Variants in SLC9A9 observed in about 807,000 individuals in gnomAD.
SLC9A9 encodes sodium/hydrogen exchanger 9.
Under a neutral mutation model 77.8 loss-of-function variants are expected in SLC9A9, and 62 were observed. That is an observed-to-expected ratio of 0.80 (90% CI 0.65 to 0.98). The LOEUF (loss-of-function observed/expected upper bound fraction) is 0.98. SLC9A9 is among the 50% of genes least tolerant of loss of function. SLC9A9 has a pLI of 0.00. For missense variants in SLC9A9, 775 were observed against 774.9 expected, an observed-to-expected ratio of 1.00 and a Z score of 0.00; for synonymous variants, 320 against 283.5, an observed-to-expected ratio of 1.13 and a Z score of -1.29.
At chr3:143,828,955 G>A (rs766598338) in intron 2 of SLC9A9, among the ~76,000 whole-genome samples, 1 of 152,088 alleles carries the variant, frequency 6.6e-6, no homozygotes, top group Non-Finnish European at 1.5e-5. Context: ...CAAAACCCTT[G>A]ATACTCCCTA....
At chr3:143,339,764 T>C (rs1387630855) in intron 14 of SLC9A9, among the ~76,000 whole-genome samples, 1 of 152,198 alleles carries the variant, frequency 6.6e-6, no homozygotes, top group Non-Finnish European at 1.5e-5. Flanking sequence ...GTTCCAAAGC[T>C]GAGCTTGGTT....
chr3:143,336,837 C>T (rs182077804), intron 14 of SLC9A9, among the ~76,000 whole-genome samples: 4 of 152,198 alleles, frequency 2.6e-5, no homozygotes, highest in Non-Finnish European at 4.4e-5. Context: ...ATATAATTGA[C>T]ACTATTGAAC....
rs747297478 is a variant in SLC9A9, at chr3:143,266,921, T to C, written c.1719A>G (p.Leu573=). ...CAATGCATTCCACATCATCCTCTTT[T>C]AGCTGTTCCTGGTTGGGAAAAGAGA... ...LTSPQAYGEQ[L]KEDDVECIVN... is the part of the protein sequence containing the mutation. The change falls in exon 16 of 16, where the codon CTA becomes CTG. Residue 573 remains leucine (L), a synonymous_variant. Transcript: ENST00000316549. The C allele has an allele frequency of 1.2e-4, 192 of 1,613,880 alleles. No individual in the cohort carries two copies. The highest frequency in any genetic ancestry group is 1.5e-4 in the Non-Finnish European group (174 of 1,179,884).
intron 12 of SLC9A9, among the ~76,000 whole-genome samples, chr3:143,444,246 A>T (rs573010937): frequency 1.9e-4 from 29 of 152,326 alleles, no homozygotes; most frequent in South Asian, 1.9e-3. Context: ...AGATGCCTAG[A>T]TTTCCTTTAT....
intron 12 of SLC9A9, among the ~76,000 whole-genome samples, chr3:143,398,983 G>C (rs2033790401): frequency 7.2e-6 from 1 of 139,612 alleles, no homozygotes; most frequent in South Asian, 2.3e-4. Flanking sequence ...TAAATTCACA[G>C]ATTTGTTGTA....
chr3:143,337,870 C>T (rs2031975606), intron 14 of SLC9A9, among the ~76,000 whole-genome samples: 1 of 152,148 alleles, frequency 6.6e-6, no homozygotes, highest in South Asian at 2.1e-4. Flanking sequence ...AGAGCATCTG[C>T]CTGGGTTCTT....
intron 6 of SLC9A9, among the ~76,000 whole-genome samples, chr3:143,596,189 C>T (rs990671594): frequency 3.3e-5 from 5 of 152,048 alleles, no homozygotes; most frequent in African/African-American, 1.2e-4. Flanking sequence ...AGCTTTAGGG[C>T]CCATAGCTAA....
intron 9 of SLC9A9, among the ~76,000 whole-genome samples, chr3:143,507,309 G>A (rs1220304081): frequency 2.0e-5 from 3 of 152,000 alleles, no homozygotes; most frequent in Non-Finnish European, 4.4e-5. Flanking sequence ...CTGTGTTCAC[G>A]CCATTCTCCT....
chr3:143,467,285 T>A (rs147183752), intron 11 of SLC9A9, 95 bp from the exon 12 acceptor site: 22 of 1,377,440 alleles, frequency 1.6e-5, no homozygotes, highest in East Asian at 1.5e-4. Context: ...ACAATTTTTT[T>A]AAATTAATCT....
intron 3 of SLC9A9, among the ~76,000 whole-genome samples, chr3:143,795,605 G>A (rs763015393): frequency 6.6e-6 from 1 of 152,168 alleles, no homozygotes; most frequent in Admixed American, 6.5e-5. Context: ...GGTGGCTCAC[G>A]CCTGTAATTC....
intron 14 of SLC9A9, among the ~76,000 whole-genome samples, chr3:143,296,856 TG>T (rs2030293435): frequency 6.6e-6 from 1 of 152,230 alleles, no homozygotes; most frequent in African/African-American, 2.4e-5. Context: ...TCAAGTCCTT[TG>T]CCCATTTTTA....
intron 9 of SLC9A9, among the ~76,000 whole-genome samples, chr3:143,506,464 G>T (rs1190234070): frequency 2.6e-5 from 4 of 152,172 alleles, no homozygotes; most frequent in Admixed American, 2.6e-4. Context: ...ACAGAAAAAT[G>T]AGTCACATAG....
At chr3:143,707,037 A>T (rs1245742932) in intron 4 of SLC9A9, among the ~76,000 whole-genome samples, 1 of 152,150 alleles carries the variant, frequency 6.6e-6, no homozygotes, top group Non-Finnish European at 1.5e-5. Context: ...GGGAAGGTTC[A>T]TTGTTAGGTG....
At chr3:143,648,853 C>T (rs1259622487) in intron 6 of SLC9A9, among the ~76,000 whole-genome samples, 1 of 152,084 alleles carries the variant, frequency 6.6e-6, no homozygotes, top group Non-Finnish European at 1.5e-5. Flanking sequence ...AAAAATTCTT[C>T]GTCAAATCTC....
chr3:143,398,748 C>T (rs1317869224), intron 12 of SLC9A9, among the ~76,000 whole-genome samples: 2 of 151,956 alleles, frequency 1.3e-5, no homozygotes, highest in Non-Finnish European at 2.9e-5. Context: ...GAAAAATAGC[C>T]AAAGAAGATT....
intron 4 of SLC9A9, among the ~76,000 whole-genome samples, chr3:143,773,894 T>A (rs2007610024): frequency 6.6e-6 from 1 of 152,212 alleles, no homozygotes; most frequent in Non-Finnish European, 1.5e-5. Flanking sequence ...GTTCATTGCA[T>A]CCCTGTCTCT....
rs535175822 is a variant in SLC9A9, at chr3:143,346,737, G to C, written c.1604+16747C>G. ...GAACCTGGGAGGCGGAGGTTGCCGT[G>C]AGCCGAGATAGTGCCATTGCACTCC... On this transcript the variant is annotated intron_variant, in intron 14 of 15. Coordinates refer to ENST00000316549, the MANE Select transcript of SLC9A9 (RefSeq NM_173653.4). Among the ~76,000 whole-genome samples, 21 of 152,240 alleles carry C rather than the reference G, an allele frequency of 1.4e-4. No homozygotes were observed. The South Asian group carries it at 3.7e-3, about 27-fold the overall frequency.
intron 2 of SLC9A9, among the ~76,000 whole-genome samples, chr3:143,826,691 T>C (rs2009308841): frequency 1.3e-5 from 2 of 152,210 alleles, no homozygotes; most frequent in South Asian, 4.1e-4. Flanking sequence ...CTTCAACAAA[T>C]TGGAAATGCT....
intron 11 of SLC9A9, among the ~76,000 whole-genome samples, chr3:143,477,008 A>G (rs1247611572): frequency 2.6e-5 from 4 of 152,242 alleles, no homozygotes; most frequent in African/African-American, 9.6e-5. Flanking sequence ...TGACATTATA[A>G]ATAATGACAA....
Sources: gnomAD v4.1 joint callset for allele counts (sites outside exome capture counted in the v4.1 genomes callset) on GRCh38, gnomAD v4.1.1 for gene constraint, MANE v1.5 for transcripts, NCBI Gene and HGNC (gene_info 2026-07-23, HGNC 2026-07-21) for gene names.